Variants in DPP10 observed in about 807,000 individuals in gnomAD.
DPP10 encodes the protein dipeptidyl peptidase like 10.
Under a neutral mutation model 120.9 loss-of-function variants are expected in DPP10, and 33 were observed. The observed-to-expected ratio is 0.27, with a 90% CI of 0.21 to 0.37. The LOEUF is 0.37. Among genes scored for constraint, DPP10 ranks in the 10% least tolerant of loss-of-function variants. The pLI is 1.00. For missense variants in DPP10, 816 were observed against 942.8 expected (o/e 0.87, Z 1.76); for synonymous variants, 337 against 326.1 (o/e 1.03, Z -0.36).
intron 1 of DPP10, among the ~76,000 whole-genome samples, chr2:114,837,594 T>A (rs1687844208): frequency 6.6e-6 from 1 of 151,706 alleles, no homozygotes; most frequent in South Asian, 2.1e-4. Context: ...AAAAAAAAAA[T>A]GTGAAGATCT....
chr2:115,412,478 C>A (rs2069028973), intron 3 of DPP10, among the ~76,000 whole-genome samples: 2 of 152,178 alleles, frequency 1.3e-5, no homozygotes, highest in Non-Finnish European at 2.9e-5. Context: ...ATACAGGTGT[C>A]TACTCGAAGG....
intron 1 of DPP10, among the ~76,000 whole-genome samples, chr2:114,886,247 G>A (rs1692058783): frequency 6.6e-6 from 1 of 152,134 alleles, no homozygotes; most frequent in Non-Finnish European, 1.5e-5. Context: ...TTCTTTTGAA[G>A]TATGAACTCC....
intron 24 of DPP10, among the ~76,000 whole-genome samples, chr2:115,838,410 A>C (rs1379610358): frequency 6.6e-6 from 1 of 152,198 alleles, no homozygotes; most frequent in African/African-American, 2.4e-5. Flanking sequence ...AGATGTTATT[A>C]CTTTCATTTA....
intron 1 of DPP10, among the ~76,000 whole-genome samples, chr2:115,085,907 G>A (rs571171433): frequency 5.3e-5 from 8 of 152,276 alleles, no homozygotes; most frequent in African/African-American, 1.7e-4. Flanking sequence ...TCCTACCTAA[G>A]GGGTGTCGGG....
chr2:114,538,250 G>A (rs1316037316), intron 1 of DPP10, among the ~76,000 whole-genome samples: 3 of 152,192 alleles, frequency 2.0e-5, no homozygotes, highest in Non-Finnish European at 2.9e-5. Context: ...TGTTTGCTCT[G>A]CTTGATGAAC....
chr2:115,473,492 A>G (rs1339844610), intron 3 of DPP10, among the ~76,000 whole-genome samples: 19 of 152,114 alleles, frequency 1.2e-4, no homozygotes, highest in East Asian at 1.9e-4. Context: ...TTTCAGCCCA[A>G]TTACATTCTT....
chr2:114,665,153 A>G (rs1697823885), intron 1 of DPP10, among the ~76,000 whole-genome samples: 1 of 152,208 alleles, frequency 6.6e-6, no homozygotes, highest in African/African-American at 2.4e-5. Flanking sequence ...ATGTATGCTG[A>G]AAAGTATATT....
intron 5 of DPP10, among the ~76,000 whole-genome samples, chr2:115,604,413 A>G (rs1479822057): frequency 6.6e-6 from 1 of 152,156 alleles, no homozygotes; most frequent in Non-Finnish European, 1.5e-5. Context: ...TGTAATTCTC[A>G]TATCTGTTAT....
chr2:115,648,534 C>A (rs1433072005), intron 5 of DPP10, among the ~76,000 whole-genome samples: 1 of 151,200 alleles, frequency 6.6e-6, no homozygotes, highest in Non-Finnish European at 1.5e-5. Context: ...GTGATGGGTT[C>A]TTAGGTGCAG....
chr2:115,211,395 A>G (rs753226754), intron 1 of DPP10, among the ~76,000 whole-genome samples: 3 of 152,154 alleles, frequency 2.0e-5, no homozygotes, highest in Non-Finnish European at 4.4e-5. Flanking sequence ...GATAATACCT[A>G]GGAAGGCCTG....
chr2:114,630,343 G>A (rs1694828172), intron 1 of DPP10, among the ~76,000 whole-genome samples: 2 of 151,990 alleles, frequency 1.3e-5, no homozygotes, highest in African/African-American at 4.8e-5. Flanking sequence ...TATAGGCAGG[G>A]GTTTTTTATT....
intron 1 of DPP10, among the ~76,000 whole-genome samples, chr2:114,634,552 T>G (rs1695174767): frequency 6.6e-6 from 1 of 151,812 alleles, no homozygotes; most frequent in East Asian, 1.9e-4. Flanking sequence ...AGTAAGACTG[T>G]GGGGGAAGAC....
intron 5 of DPP10, among the ~76,000 whole-genome samples, chr2:115,642,026 T>C (rs990638799): frequency 1.3e-5 from 2 of 152,138 alleles, no homozygotes; most frequent in South Asian, 2.1e-4. Flanking sequence ...AGATAGGGCA[T>C]TGCTTTTCAA....
chr2:115,162,060 C>G (rs1192657926), intron 1 of DPP10: 1 of 1,448,770 alleles, frequency 6.9e-7, no homozygotes, highest in Non-Finnish European at 9.1e-7. Flanking sequence ...CAGGCCCTCC[C>G]GGGAGGGGTG....
chr2:115,180,916 T>C (rs1365567894), intron 1 of DPP10, among the ~76,000 whole-genome samples: 2 of 250 alleles, frequency 8.0e-3, no homozygotes, highest in Non-Finnish European at 0.015. Flanking sequence ...ATGCCTCCCT[T>C]CCTCCTGCCT....
chr2:115,617,318 G>T (rs1490938461), intron 5 of DPP10, among the ~76,000 whole-genome samples: 3 of 137,624 alleles, frequency 2.2e-5, no homozygotes, highest in Admixed American at 7.3e-5. Context: ...TATATGCTAT[G>T]AATACATGTA....
chr2:115,404,410 T>G (rs776267112), intron 3 of DPP10, among the ~76,000 whole-genome samples: 16 of 152,248 alleles, frequency 1.1e-4, no homozygotes, highest in Admixed American at 2.6e-4. Flanking sequence ...GGGACTACAG[T>G]TCAACAGGAG....
intron 1 of DPP10, among the ~76,000 whole-genome samples, chr2:114,877,585 C>T (rs376849356): frequency 1.1e-4 from 17 of 152,174 alleles, no homozygotes; most frequent in South Asian, 2.1e-4. Flanking sequence ...CAACAGTGAA[C>T]GGCGGACACA....
chr2:114,746,689 A>G (rs1245606198), intron 1 of DPP10, among the ~76,000 whole-genome samples: 1 of 152,162 alleles, frequency 6.6e-6, no homozygotes, highest in Non-Finnish European at 1.5e-5. Context: ...TTTGCATTTG[A>G]TGAGCAAACC....
Sources: allele counts gnomAD v4.1 joint callset (sites outside exome capture counted in the v4.1 genomes callset), GRCh38; gene constraint gnomAD v4.1.1; transcripts MANE v1.5; gene names NCBI Gene and HGNC (gene_info 2026-07-23, HGNC 2026-07-21).